The following TNR variants were observed in gnomAD, a reference collection of about 807,000 sequenced individuals.
TNR encodes tenascin R.
Under a neutral mutation model 150.4 loss-of-function variants are expected in TNR, and 45 were observed. That is an observed-to-expected ratio of 0.30 (90% CI 0.24 to 0.38). TNR has a LOEUF of 0.38. TNR is among the 10% of genes least tolerant of loss of function. The pLI is 1.00. For synonymous variants in TNR, 687 were observed against 678.4 expected (o/e 1.01, Z -0.20); for missense variants, 1,544 against 1,759.1 (o/e 0.88, Z 2.19).
At chr1:175,434,029 C>T (rs1425069979) in intron 2 of TNR, among the ~76,000 whole-genome samples, 1 of 152,190 alleles carries the variant, frequency 6.6e-6, no homozygotes, top group Non-Finnish European at 1.5e-5. Context: ...GGCCCCATGA[C>T]ATTTGCCATC....
chr1:175,652,237 T>G (rs1461765400), intron 1 of TNR, among the ~76,000 whole-genome samples: 2 of 150,050 alleles, frequency 1.3e-5, no homozygotes, highest in Non-Finnish European at 3.0e-5. Context: ...ATGAACATAT[T>G]TGTCACCTCG....
intron 2 of TNR, among the ~76,000 whole-genome samples, chr1:175,408,532 G>T (rs970782749): frequency 6.6e-6 from 1 of 152,214 alleles, no homozygotes; most frequent in Admixed American, 6.5e-5. Flanking sequence ...AATATGGACA[G>T]GGAGCAGACC....
At chr1:175,372,492 C>T (rs984222904) in intron 9 of TNR, among the ~76,000 whole-genome samples, 16 of 152,210 alleles carry the variant, frequency 1.1e-4, no homozygotes, top group South Asian at 2.1e-4. Context: ...ATATGGAATT[C>T]TCTAGTGGCC....
chr1:175,535,948 T>C (rs957697213), intron 1 of TNR, among the ~76,000 whole-genome samples: 7 of 152,144 alleles, frequency 4.6e-5, no homozygotes, highest in Non-Finnish European at 8.8e-5. Flanking sequence ...GAAACTATAA[T>C]TTTTCACCAA....
At chr1:175,650,054 C>T (rs1211013436) in intron 1 of TNR, among the ~76,000 whole-genome samples, 1 of 152,146 alleles carries the variant, frequency 6.6e-6, no homozygotes, top group Admixed American at 6.5e-5. Context: ...AAAAACTGTG[C>T]TGTTCAAACT....
At chr1:175,501,261 A>G (rs1207858481) in intron 2 of TNR, among the ~76,000 whole-genome samples, 1 of 152,176 alleles carries the variant, frequency 6.6e-6, no homozygotes, top group East Asian at 1.9e-4. Context: ...CCAAAATATA[A>G]AAAATAATAA....
chr1:175,430,152 G>C lies in TNR; in HGVS notation c.-63-23375C>G, dbSNP rs540910163. Among the ~76,000 whole-genome samples the C allele has an allele frequency of 2.0e-5, 3 of 151,894 alleles. No homozygotes were observed. In the East Asian group the frequency reaches 5.8e-4, roughly 29 times the overall value. ...AATGTGGCAGTACTTCACCACAACT[G>C]TTTCTGAAACCCCAAGCAATAGTTT... On this transcript the variant is annotated intron_variant, in intron 2 of 22. Transcript: ENST00000367674.
chr1:175,429,508 A>G (rs1655165264), intron 2 of TNR, among the ~76,000 whole-genome samples: 1 of 152,216 alleles, frequency 6.6e-6, no homozygotes, highest in African/African-American at 2.4e-5. Flanking sequence ...CCTACAAATC[A>G]CTTAGAACAG....
At chr1:175,742,802 C>G (rs1017670439) in intron 1 of TNR, among the ~76,000 whole-genome samples, 3 of 152,174 alleles carry the variant, frequency 2.0e-5, no homozygotes, top group Non-Finnish European at 4.4e-5. Context: ...CTTTGCAACT[C>G]TTTCCCACCA....
chr1:175,740,651 T>C (rs542497007), intron 1 of TNR, among the ~76,000 whole-genome samples: 1 of 152,192 alleles, frequency 6.6e-6, no homozygotes, highest in South Asian at 2.1e-4. Flanking sequence ...TGGCCAGATA[T>C]GATGGCCAGG....
At chr1:175,363,920 G>A (rs914170890) in intron 12 of TNR, 93 bp from the exon 13 acceptor site, 1 of 1,463,962 alleles carries the variant, frequency 6.8e-7, no homozygotes, top group Admixed American at 2.2e-5. Flanking sequence ...AAAAGCCAAT[G>A]TTGTCCCAAA....
At chr1:175,342,788 G>T (rs567419083) in intron 18 of TNR, among the ~76,000 whole-genome samples, 14 of 152,334 alleles carry the variant, frequency 9.2e-5, no homozygotes, top group African/African-American at 3.4e-4. Flanking sequence ...CTGCCCAAGG[G>T]CAAGTGCAAC....
chr1:175,391,829 G>A (rs535588738), intron 6 of TNR, among the ~76,000 whole-genome samples: 3 of 152,312 alleles, frequency 2.0e-5, no homozygotes, highest in Middle Eastern at 3.4e-3. Context: ...ACATGCCCCC[G>A]GCTATTTAGG....
intron 18 of TNR, among the ~76,000 whole-genome samples, chr1:175,340,818 G>C (rs966535009): frequency 1.3e-5 from 2 of 152,162 alleles, no homozygotes; most frequent in African/African-American, 4.8e-5. Context: ...AGATCCTTGT[G>C]GCTGTGTGGA....
intron 2 of TNR, among the ~76,000 whole-genome samples, chr1:175,506,526 A>G (rs766138685): frequency 6.6e-5 from 10 of 152,198 alleles, no homozygotes; most frequent in Non-Finnish European, 1.2e-4. Flanking sequence ...TGGCATCCCT[A>G]TAAGAAGAGG....
intron 1 of TNR, among the ~76,000 whole-genome samples, chr1:175,596,780 T>C (rs1663023307): frequency 6.6e-6 from 1 of 152,166 alleles, no homozygotes; most frequent in African/African-American, 2.4e-5. Context: ...CCAGCTAAAT[T>C]TGAAGTCATA....
chr1:175,584,807 T>C (rs1223982293), intron 1 of TNR, among the ~76,000 whole-genome samples: 4 of 152,212 alleles, frequency 2.6e-5, no homozygotes, highest in African/African-American at 9.6e-5. Context: ...AAAAAAAGTT[T>C]GGTTTAATTT....
At chr1:175,643,050 G>A (rs1012263213) in intron 1 of TNR, among the ~76,000 whole-genome samples, 4 of 152,302 alleles carry the variant, frequency 2.6e-5, no homozygotes, top group African/African-American at 9.6e-5. Context: ...CTAGAGAAAC[G>A]TTAATAGAAT....
chr1:175,531,203 TC>T (rs1245165488), intron 1 of TNR, among the ~76,000 whole-genome samples: 1 of 152,210 alleles, frequency 6.6e-6, no homozygotes, highest in Non-Finnish European at 1.5e-5. Context: ...GTGCCAATCT[TC>T]CTGAAGTCAT....
Sources: allele counts gnomAD v4.1 joint callset (sites outside exome capture counted in the v4.1 genomes callset), GRCh38; gene constraint gnomAD v4.1.1; transcripts MANE v1.5; gene names NCBI Gene and HGNC (gene_info 2026-07-23, HGNC 2026-07-21).